Variants in ZNF638 observed in about 807,000 individuals in gnomAD.
ZNF638 encodes the protein CTCL tumor antigen se33-1.
Under a neutral mutation model 195.6 loss-of-function variants are expected in ZNF638, and 46 were observed. The observed-to-expected ratio is 0.24, with a 90% confidence interval of 0.19 to 0.30. ZNF638 has a LOEUF of 0.30. ZNF638 is among the 10% of genes least tolerant of loss of function. The pLI is 1.00. For missense variants in ZNF638, 2,440 were observed against 2,325.3 expected, an observed-to-expected ratio of 1.05 and a Z score of -1.01; for synonymous variants, 845 against 772.0, an observed-to-expected ratio of 1.09 and a Z score of -1.57.
chr2:71,434,049 T>C (rs1048689749), intron 27 of ZNF638, among the ~76,000 whole-genome samples: 4 of 152,190 alleles, frequency 2.6e-5, no homozygotes, highest in African/African-American at 9.7e-5. Context: ...CTTAACTTAG[T>C]TCATCATGTC....
At chr2:71,377,757 G>C (rs1254757729) in intron 8 of ZNF638, among the ~76,000 whole-genome samples, 2 of 152,202 alleles carry the variant, frequency 1.3e-5, no homozygotes, top group African/African-American at 4.8e-5. Context: ...CTGTACATAA[G>C]TGGAATTCCA....
chr2:71,417,371 C>G (rs867630276), intron 20 of ZNF638, among the ~76,000 whole-genome samples: 1 of 151,082 alleles, frequency 6.6e-6, no homozygotes, highest in East Asian at 2.0e-4. Flanking sequence ...CCTGCGCCCA[C>G]TGTCTGGCAC....
intron 10 of ZNF638, among the ~76,000 whole-genome samples, chr2:71,391,754 A>G (rs1406225736): frequency 6.6e-6 from 1 of 152,226 alleles, no homozygotes; most frequent in Non-Finnish European, 1.5e-5. Flanking sequence ...ATAACTACTG[A>G]TAAATTACAG....
At position 71,349,905 on chromosome 2, in the gene ZNF638, A is replaced by C; in HGVS notation, c.951A>C (p.Gln317His). 6.2e-7 allele frequency: 1 copy of C among 1,614,184 alleles called. No homozygotes were observed. ...AATCCGTCAACCAATCCATTAACCA[A>C]ACAGTTAGCCAGACAATGAGTCAAT... is the stretch of plus-strand genomic sequence containing the variant. Reference protein sequence around the residue: ...PIKSVNQSINQTVSQTMSQSL... With the variant: ...PIKSVNQSINHTVSQTMSQSL... Residue 317 changes from glutamine (Q) to histidine (H), a missense_variant, in exon 2 of 28, where the codon CAA becomes CAC. Physicochemically the swap from Gln to His is conservative, Grantham distance 24. Transcript: ENST00000264447.
chr2:71,383,216 G>A (rs2079566059), intron 10 of ZNF638, among the ~76,000 whole-genome samples: 1 of 152,232 alleles, frequency 6.6e-6, no homozygotes, highest in Non-Finnish European at 1.5e-5. Context: ...TCAGGAGGCC[G>A]AGGCACGAGA....
At chr2:71,357,855 C>G (rs2079049556) in intron 3 of ZNF638, among the ~76,000 whole-genome samples, 1 of 152,012 alleles carries the variant, frequency 6.6e-6, no homozygotes, top group South Asian at 2.1e-4. Flanking sequence ...ATTGTACTTC[C>G]CATAATTTGC....
At chr2:71,411,571 C>A (rs2080228601) in intron 20 of ZNF638, among the ~76,000 whole-genome samples, 1 of 118,444 alleles carries the variant, frequency 8.4e-6, no homozygotes, top group Non-Finnish European at 1.7e-5. Context: ...GTGCGCTGCA[C>A]CCACTAACGT....
At chr2:71,332,262 T>A (rs1023141021) in intron 1 of ZNF638, among the ~76,000 whole-genome samples, 2 of 152,174 alleles carry the variant, frequency 1.3e-5, no homozygotes, top group Non-Finnish European at 2.9e-5. Context: ...GCGCTGGGCC[T>A]GACAGCCGAG....
chr2:71,355,823 A>G, intron 3 of ZNF638, 43 bp downstream of exon 3: 3 of 1,229,204 alleles, frequency 2.4e-6, no homozygotes, highest in South Asian at 1.4e-5. Flanking sequence ...CATATTTACA[A>G]AATAGTTAAT....
At chr2:71,356,334 A>C (rs1223262284) in intron 3 of ZNF638, among the ~76,000 whole-genome samples, 1 of 152,204 alleles carries the variant, frequency 6.6e-6, no homozygotes, top group Non-Finnish European at 1.5e-5. Flanking sequence ...GAGGTGAAAA[A>C]GTGTGATTTT....
intron 10 of ZNF638, among the ~76,000 whole-genome samples, chr2:71,390,577 C>T (rs2079752276): frequency 6.6e-6 from 1 of 152,132 alleles, no homozygotes; most frequent in African/African-American, 2.4e-5. Context: ...TCTTACCGTA[C>T]TGGGTCCCCA....
chr2:71,366,145 T>C (rs773559797), intron 6 of ZNF638, among the ~76,000 whole-genome samples: 5 of 152,114 alleles, frequency 3.3e-5, no homozygotes, highest in Non-Finnish European at 7.4e-5. Context: ...AGCTTAAGAA[T>C]TTGAGGCCAG....
intron 6 of ZNF638, 92 bp from the exon 7 acceptor site, chr2:71,368,290 T>C: frequency 1.6e-6 from 2 of 1,241,570 alleles, no homozygotes; most frequent in East Asian, 2.4e-5. Context: ...AGTGTACTAA[T>C]ATTAGTGGTA....
At chr2:71,365,790 G>A in intron 6 of ZNF638, 84 bp downstream of exon 6, 2 of 1,283,150 alleles carry the variant, frequency 1.6e-6, no homozygotes, top group Non-Finnish European at 2.1e-6. Flanking sequence ...AACAAGCATG[G>A]CTCACTGCAG....
intron 20 of ZNF638, among the ~76,000 whole-genome samples, chr2:71,410,768 C>G (rs1199556500): frequency 6.6e-6 from 1 of 151,958 alleles, no homozygotes; most frequent in Non-Finnish European, 1.5e-5. Context: ...ATTTGAGAGA[C>G]CTGATGGAAG....
At chr2:71,400,545 T>C in intron 15 of ZNF638, 27 bp downstream of exon 15, 1 of 1,578,932 alleles carries the variant, frequency 6.3e-7, no homozygotes, top group Non-Finnish European at 8.6e-7. Flanking sequence ...TATTTATTTC[T>C]TTAAAGCTCA....
In ZNF638 at chr2:71,350,284, A is replaced by T. The variant is rs754384034; in HGVS notation, c.1317+13A>T. 2.5e-5 allele frequency: 40 copies of T among 1,594,098 alleles called. No individual in the cohort carries two copies. The highest frequency in any genetic ancestry group is 1.3e-4 in the African/African-American group (10 of 74,608). On this transcript the variant is annotated intron_variant, in intron 2 of 27. Transcript: ENST00000264447. ...TAGTCATTTGAAGGTGAGTGTTTTT[A>T]AAAAAAGATCACTGTATAATGATGC...
chr2:71,393,771 C>T, intron 10 of ZNF638: 2 of 623,552 alleles, frequency 3.2e-6, no homozygotes, highest in East Asian at 2.7e-5. Context: ...GGGCAGGCAC[C>T]CCCTTCCCAG....
At chr2:71,365,822 T>A in intron 6 of ZNF638, 116 bp downstream of exon 6, 1 of 1,002,098 alleles carries the variant, frequency 1.0e-6, no homozygotes, top group Non-Finnish European at 1.4e-6. Flanking sequence ...TGGGCTCAAG[T>A]GATCCTCCTG....
Sources: gnomAD v4.1 joint callset for allele counts (sites outside exome capture counted in the v4.1 genomes callset) on GRCh38, gnomAD v4.1.1 for gene constraint, MANE v1.5 for transcripts, NCBI Gene and HGNC (gene_info 2026-07-23, HGNC 2026-07-21) for gene names.